Variants in KIFAP3 observed in about 807,000 individuals in gnomAD.
KIFAP3 encodes the protein kinesin associated protein 3, also known as kinesin-associated protein 3.
KIFAP3 carries 68 observed loss-of-function variants against 106.5 expected under a neutral mutation model. The observed-to-expected ratio is 0.64, with a 90% CI of 0.53 to 0.78. The LOEUF (loss-of-function observed/expected upper bound fraction) is 0.78. Ranked by LOEUF, KIFAP3 falls within the 30% of genes least tolerant of loss-of-function variation. The pLI is 0.00. For missense variants in KIFAP3, 780 were observed against 941.8 expected, an observed-to-expected ratio of 0.83 and a Z score of 2.25; for synonymous variants, 320 against 311.5, an observed-to-expected ratio of 1.03 and a Z score of -0.29.
chr1:169,936,852 G>T (rs573668176), intron 19 of KIFAP3, among the ~76,000 whole-genome samples: 5 of 150,800 alleles, frequency 3.3e-5, no homozygotes, highest in Non-Finnish European at 7.4e-5. Context: ...TGTTTAAGAT[G>T]TTTATTCTGC....
chr1:169,970,236 G>C (rs571558831), intron 17 of KIFAP3, among the ~76,000 whole-genome samples: 1 of 151,926 alleles, frequency 6.6e-6, no homozygotes, highest in African/African-American at 2.4e-5. Flanking sequence ...ACCATTCCCT[G>C]CCTCCCCAAG....
chr1:170,024,567 C>A lies in KIFAP3; in HGVS notation c.871G>T (p.Glu291Ter). ...VALYLLLNLA[E>*]DTRTELKMRN... Reference sequence around the variant, plus strand: ...ATTTTCAGTTCGGTACGAGTATCCTCAGCAAGATTCAGAAGCAAATAAAGA... The same window carrying A: ...ATTTTCAGTTCGGTACGAGTATCCTAAGCAAGATTCAGAAGCAAATAAAGA... The change falls in exon 9 of 20, where the codon GAG becomes TAG. Residue 291 changes from glutamate (E) to a stop codon, truncating the protein, a stop_gained. Coordinates refer to ENST00000361580, the MANE Select transcript of KIFAP3 (RefSeq NM_014970.4). LOFTEE classifies it high-confidence loss of function. The A allele has an allele frequency of 6.3e-7, 1 of 1,576,176 alleles. No individual in the cohort carries two copies. The highest frequency in any genetic ancestry group is 2.3e-5 in the East Asian group (1 of 43,356).
At chr1:169,924,187 G>A (rs1571498571) in intron 19 of KIFAP3, among the ~76,000 whole-genome samples, 1 of 152,254 alleles carries the variant, frequency 6.6e-6, no homozygotes, top group African/African-American at 2.4e-5. Context: ...GCAGTCCCAA[G>A]TCAGTGAAAG....
At chr1:170,039,197 C>T (rs1669844002) in intron 4 of KIFAP3, 36 bp downstream of exon 4, 1 of 1,256,032 alleles carries the variant, frequency 8.0e-7, no homozygotes. Context: ...TCTTATAATC[C>T]AGTCCTCTAT....
At chr1:169,927,283 T>C (rs1010512251) in intron 19 of KIFAP3, among the ~76,000 whole-genome samples, 2 of 152,178 alleles carry the variant, frequency 1.3e-5, no homozygotes, top group African/African-American at 4.8e-5. Flanking sequence ...AAATACGACA[T>C]AGTCCTTGAC....
intron 8 of KIFAP3, among the ~76,000 whole-genome samples, chr1:170,025,476 C>G (rs1669056444): frequency 6.6e-6 from 1 of 151,940 alleles, no homozygotes; most frequent in Admixed American, 6.6e-5. Context: ...GAAATACATG[C>G]ATATGTATAT....
chr1:169,933,903 C>T (rs749361393), intron 19 of KIFAP3, among the ~76,000 whole-genome samples: 4 of 152,058 alleles, frequency 2.6e-5, no homozygotes, highest in African/African-American at 4.8e-5. Flanking sequence ...ACTGATGTAA[C>T]TTTTTTCAGT....
chr1:169,968,224 G>T (rs1665728557), intron 17 of KIFAP3, among the ~76,000 whole-genome samples: 1 of 151,806 alleles, frequency 6.6e-6, no homozygotes, highest in African/African-American at 2.4e-5. Context: ...ATTTTACATG[G>T]AATGTGCCAT....
intron 1 of KIFAP3, among the ~76,000 whole-genome samples, chr1:170,071,127 T>C (rs956689384): frequency 2.0e-5 from 3 of 152,200 alleles, no homozygotes; most frequent in South Asian, 2.1e-4. Flanking sequence ...TTCTTATACA[T>C]TGCTGGTGGG....
intron 8 of KIFAP3, among the ~76,000 whole-genome samples, chr1:170,029,484 C>T (rs1669285417): frequency 6.6e-6 from 1 of 151,886 alleles, no homozygotes; most frequent in Non-Finnish European, 1.5e-5. Context: ...ATATGAAAAT[C>T]TGTGGGATGC....
At chr1:170,054,808 AG>A (rs1670759067) in intron 2 of KIFAP3, among the ~76,000 whole-genome samples, 2 of 150,322 alleles carry the variant, frequency 1.3e-5, no homozygotes, top group African/African-American at 2.4e-5. Context: ...AGGGCCTGTC[AG>A]GGGGTGGGGG....
chr1:169,959,170 A>G (rs1283139152), intron 18 of KIFAP3, among the ~76,000 whole-genome samples: 2 of 152,198 alleles, frequency 1.3e-5, no homozygotes, highest in African/African-American at 4.8e-5. Context: ...CAAGCATTCA[A>G]ACAAATCTGC....
intron 9 of KIFAP3, among the ~76,000 whole-genome samples, chr1:170,021,206 T>C (rs1461547652): frequency 6.6e-6 from 1 of 152,140 alleles, no homozygotes; most frequent in Non-Finnish European, 1.5e-5. Context: ...GCCAGGCTGA[T>C]ATTAGTTCAC....
chr1:170,047,077 A>T lies in KIFAP3; in HGVS notation c.165-211T>A, dbSNP rs556859667. 4.6e-5 allele frequency among the ~76,000 whole-genome samples: 7 copies of T among 152,342 alleles called. No individual in the cohort carries two copies. The South Asian group carries it at 1.2e-3, about 27-fold the overall frequency. On this transcript the variant is annotated intron_variant, in intron 2 of 19. Coordinates refer to ENST00000361580, the MANE Select transcript of KIFAP3 (RefSeq NM_014970.4). ...ACAAACAAAATAACAAAAGGAACAT[A>T]AAATCTTTTTCAGACTCTCTAGGCA...
chr1:170,015,444 T>G (rs1453564432), intron 10 of KIFAP3, among the ~76,000 whole-genome samples: 1 of 152,188 alleles, frequency 6.6e-6, no homozygotes, highest in African/African-American at 2.4e-5. Context: ...AAAACCAATT[T>G]TTGAAAGTGC....
Position 170,039,555 on chromosome 1 carries a change from A to G in KIFAP3, c.320-267T>C, listed in dbSNP as rs77296175. Among the ~76,000 whole-genome samples, 927 of 152,318 alleles carry G rather than the reference A, an allele frequency of 6.1e-3. 9 individuals carry two copies. The highest frequency in any genetic ancestry group is 0.021 in the African/African-American group (884 of 41,580). On this transcript the variant is annotated intron_variant, in intron 3 of 19. Transcript: ENST00000361580. The stretch of plus-strand genomic sequence containing the variant: ...AACTTTTTGGGTATATAAGGTATAC[A>G]GTCAGACTTGGCAACAAGAAGCAAA...
intron 17 of KIFAP3, among the ~76,000 whole-genome samples, chr1:169,966,874 T>C (rs1269654263): frequency 6.6e-6 from 1 of 151,836 alleles, no homozygotes; most frequent in African/African-American, 2.4e-5. Context: ...TAGAATGAAA[T>C]ATGCCATAAG....
At chr1:170,013,668 G>A (rs926526032) in intron 10 of KIFAP3, among the ~76,000 whole-genome samples, 1 of 151,978 alleles carries the variant, frequency 6.6e-6, no homozygotes, top group South Asian at 2.1e-4. Context: ...GATTTGCTAC[G>A]ATGTGTCAGG....
At chr1:170,018,934 A>G (rs2102008385) in intron 9 of KIFAP3, among the ~76,000 whole-genome samples, 2 of 152,274 alleles carry the variant, frequency 1.3e-5, no homozygotes, top group South Asian at 4.1e-4. Context: ...CCAAAAATCA[A>G]ACACAAAATA....
Sources: allele counts gnomAD v4.1 joint callset (sites outside exome capture counted in the v4.1 genomes callset), GRCh38; gene constraint gnomAD v4.1.1; transcripts MANE v1.5; gene names NCBI Gene and HGNC (gene_info 2026-07-23, HGNC 2026-07-21).